The following AGBL1 variants were observed in gnomAD, a reference collection of about 807,000 sequenced individuals.
The protein encoded by AGBL1 is AGBL carboxypeptidase 1.
In AGBL1, 130 loss-of-function variants were observed where a neutral mutation model predicts 118.9. The observed-to-expected ratio is 1.09, with a 90% CI of 0.95 to 1.26. The LOEUF (loss-of-function observed/expected upper bound fraction) is 1.26. Ranked by LOEUF, AGBL1 falls within the 50% of genes most tolerant of loss-of-function variation. The pLI, the probability that AGBL1 is intolerant of heterozygous loss-of-function variation, is 0.00. For synonymous variants in AGBL1, 555 were observed against 478.9 expected, an observed-to-expected ratio of 1.16 and a Z score of -2.08; for missense variants, 1,584 against 1,298.1, an observed-to-expected ratio of 1.22 and a Z score of -3.38.
At chr15:86,696,670 T>C (rs2086267779) in intron 22 of AGBL1, among the ~76,000 whole-genome samples, 1 of 151,944 alleles carries the variant, frequency 6.6e-6, no homozygotes, top group Non-Finnish European at 1.5e-5. Flanking sequence ...GTTTTTTTAA[T>C]TGTATTTTTG....
intron 17 of AGBL1, among the ~76,000 whole-genome samples, chr15:86,318,431 G>A (rs1354461168): frequency 1.1e-4 from 17 of 150,288 alleles, no homozygotes; most frequent in Admixed American, 1.1e-3. Flanking sequence ...TGCCTCTGAT[G>A]TTTTAAATTA....
chr15:86,931,617 G>GCTGCTGCTGCTGC lies in AGBL1; in HGVS notation c.3222-56370_3222-56369insCTGCTGCTGCTGC, dbSNP rs1267061370. ...GCTGCTGCTGCTGCTGCTGCTGCTG[G>GCTGCTGCTGCTGC]TTGTTGTATTGATCAATTCCATGCT... On this transcript the variant is annotated intron_variant, in intron 23 of 24. Coordinates refer to the AGBL1 transcript ENST00000441037. Among the ~76,000 whole-genome samples the GCTGCTGCTGCTGC allele has an allele frequency of 1.4e-4, 17 of 118,852 alleles. 1 individual carries two copies. The South Asian group carries it at 4.8e-3, about 34-fold the overall frequency. 78.0% of individuals were successfully genotyped at this position (118,852 alleles called of 152,430 possible).
intron 1 of AGBL1, among the ~76,000 whole-genome samples, chr15:86,119,225 T>C (rs189305438): frequency 1.3e-4 from 20 of 152,318 alleles, no homozygotes; most frequent in Admixed American, 8.5e-4. Flanking sequence ...AAAAGAGAAT[T>C]TATCACAGAG....
At chr15:86,775,410 T>A (rs2078240576) in intron 22 of AGBL1, among the ~76,000 whole-genome samples, 3 of 152,146 alleles carry the variant, frequency 2.0e-5, no homozygotes, top group Admixed American at 2.0e-4. Context: ...TGCTCAGGAT[T>A]AGTTCGCTCC....
chr15:86,382,392 C>T (rs558106568), intron 17 of AGBL1, among the ~76,000 whole-genome samples: 7 of 152,192 alleles, frequency 4.6e-5, no homozygotes, highest in East Asian at 1.9e-4. Flanking sequence ...TAATATTCTC[C>T]GTCAGGCTCT....
At chr15:86,648,994 A>G (rs1194758318) in intron 21 of AGBL1, among the ~76,000 whole-genome samples, 1 of 152,132 alleles carries the variant, frequency 6.6e-6, no homozygotes, top group Non-Finnish European at 1.5e-5. Context: ...AGGAAGAGTG[A>G]TATGAAGAGA....
intron 6 of AGBL1, among the ~76,000 whole-genome samples, chr15:86,230,006 A>C (rs2078429781): frequency 6.6e-6 from 1 of 152,222 alleles, no homozygotes; most frequent in African/African-American, 2.4e-5. Flanking sequence ...CAGAAAAGCA[A>C]GTTAGCAAAG....
intron 5 of AGBL1, among the ~76,000 whole-genome samples, chr15:86,216,714 C>T (rs1184690457): frequency 2.0e-5 from 3 of 152,098 alleles, no homozygotes; most frequent in Non-Finnish European, 4.4e-5. Flanking sequence ...CTTCCTAGTC[C>T]TTTAAAAAAA....
intron 5 of AGBL1, among the ~76,000 whole-genome samples, chr15:86,181,955 A>T (rs759820409): frequency 1.3e-5 from 2 of 152,142 alleles, no homozygotes; most frequent in African/African-American, 2.4e-5. Flanking sequence ...TAATTAGATC[A>T]TGCATTCATT....
chr15:86,765,127 T>C (rs899363568), intron 22 of AGBL1, among the ~76,000 whole-genome samples: 9 of 152,028 alleles, frequency 5.9e-5, no homozygotes, highest in Non-Finnish European at 8.8e-5. Flanking sequence ...CCATAAGGAT[T>C]ACATGTGTGG....
At chr15:86,694,096 A>G (rs1035473519) in intron 22 of AGBL1, among the ~76,000 whole-genome samples, 3 of 152,022 alleles carry the variant, frequency 2.0e-5, no homozygotes, top group South Asian at 2.1e-4. Flanking sequence ...TTGGTTCCAT[A>G]TGAGTTTTAG....
At chr15:86,275,542 A>G (rs962990973) in intron 15 of AGBL1, among the ~76,000 whole-genome samples, 4 of 152,206 alleles carry the variant, frequency 2.6e-5, no homozygotes, top group African/African-American at 9.7e-5. Flanking sequence ...AAAAGAAACA[A>G]TGACTTTCCA....
chr15:86,644,732 G>C (rs902572217), intron 21 of AGBL1, among the ~76,000 whole-genome samples: 1 of 151,836 alleles, frequency 6.6e-6, no homozygotes, highest in Non-Finnish European at 1.5e-5. Context: ...GTGGCTGGGC[G>C]TGGTGGCTCA....
At chr15:86,470,565 T>G (rs1327177970) in intron 18 of AGBL1, among the ~76,000 whole-genome samples, 1 of 152,214 alleles carries the variant, frequency 6.6e-6, no homozygotes, top group African/African-American at 2.4e-5. Context: ...CTTTTTCTAC[T>G]TCTATGAAAA....
intron 23 of AGBL1, among the ~76,000 whole-genome samples, chr15:86,961,660 CAG>C (rs577245434): frequency 2.6e-4 from 39 of 152,216 alleles, no homozygotes; most frequent in Admixed American, 1.0e-3. Context: ...ACCCAAAACT[CAG>C]GACCTCGATC....
intron 21 of AGBL1, among the ~76,000 whole-genome samples, chr15:86,606,345 T>G (rs1381978406): frequency 6.6e-6 from 1 of 151,962 alleles, no homozygotes; most frequent in East Asian, 1.9e-4. Context: ...CACTCAACAG[T>G]ATAGAGTTTT....
chr15:86,201,229 G>C (rs1290129627), intron 5 of AGBL1, among the ~76,000 whole-genome samples: 3 of 152,098 alleles, frequency 2.0e-5, no homozygotes, highest in African/African-American at 7.2e-5. Context: ...GATCAATCAA[G>C]ACCTAGGAAA....
chr15:86,447,921 G>A (rs2082143685), intron 18 of AGBL1, among the ~76,000 whole-genome samples: 1 of 152,160 alleles, frequency 6.6e-6, no homozygotes, highest in South Asian at 2.1e-4. Flanking sequence ...GAGGTGGGAG[G>A]ATTGCTTGAG....
intron 23 of AGBL1, among the ~76,000 whole-genome samples, chr15:86,982,899 A>G (rs2081246060): frequency 6.6e-6 from 1 of 152,180 alleles, no homozygotes; most frequent in Admixed American, 6.5e-5. Context: ...GGCACCCCTC[A>G]TCTTCATGCT....
Sources: allele counts gnomAD v4.1 joint callset (sites outside exome capture counted in the v4.1 genomes callset), GRCh38; gene constraint gnomAD v4.1.1; transcripts MANE v1.5; gene names NCBI Gene and HGNC (gene_info 2026-07-23, HGNC 2026-07-21).